SLC15A5: variants seen among roughly 807,000 people sequenced by gnomAD.
The protein encoded by SLC15A5 is solute carrier family 15 member 5, also known as Peptide/histidine transporter ENSP00000340402.
SLC15A5 carries 58 observed loss-of-function variants against 56.1 expected under a neutral mutation model. That is an observed-to-expected ratio of 1.03 (90% CI 0.84 to 1.29). The LOEUF (loss-of-function observed/expected upper bound fraction) is 1.29. SLC15A5 is among the 50% of genes most tolerant of loss of function. SLC15A5 has a pLI of 0.00. For synonymous variants in SLC15A5, 264 were observed against 250.5 expected (o/e 1.05, Z -0.51); for missense variants, 681 against 672.1 (o/e 1.01, Z -0.15).
intron 7 of SLC15A5, among the ~76,000 whole-genome samples, chr12:16,204,235 C>A (rs1166927175): frequency 6.6e-6 from 1 of 151,908 alleles, no homozygotes; most frequent in Non-Finnish European, 1.5e-5. Flanking sequence ...GTGGGCTGAT[C>A]ACTTGAGGTC....
At chr12:16,210,144 T>C (rs61915898) in intron 7 of SLC15A5, among the ~76,000 whole-genome samples, 30,646 of 152,086 alleles carry the variant, frequency 0.2, 3,504 homozygotes, top group Middle Eastern at 0.25. Context: ...ATATGTGCTC[T>C]CTACCAGAAA....
intron 2 of SLC15A5, among the ~76,000 whole-genome samples, chr12:16,259,631 T>C (rs777263393): frequency 5.3e-5 from 8 of 152,238 alleles, no homozygotes; most frequent in African/African-American, 7.2e-5. Flanking sequence ...GTCATGAACT[T>C]AATGCGATCA....
chr12:16,193,831 G>C (rs1401383876), intron 8 of SLC15A5, among the ~76,000 whole-genome samples: 4 of 126,868 alleles, frequency 3.2e-5, no homozygotes, highest in Non-Finnish European at 6.9e-5. Context: ...GAGAGAGAGA[G>C]AGAGAGAGAG....
intron 5 of SLC15A5, among the ~76,000 whole-genome samples, chr12:16,230,257 C>CTAG (rs1047682384): frequency 7.9e-5 from 12 of 152,086 alleles, no homozygotes; most frequent in Admixed American, 7.2e-4. Context: ...CTTAGAGAGG[C>CTAG]TAGTCACTTG....
At chr12:16,253,034 G>T (rs971173061) in intron 3 of SLC15A5, among the ~76,000 whole-genome samples, 18 of 136,260 alleles carry the variant, frequency 1.3e-4, no homozygotes, top group African/African-American at 4.7e-4. Flanking sequence ...GACTACGTAA[G>T]GGGGAAAGGA....
chr12:16,193,780 G>GAA (rs1863861807), intron 8 of SLC15A5, among the ~76,000 whole-genome samples: 1 of 75,692 alleles, frequency 1.3e-5, no homozygotes, highest in Non-Finnish European at 2.6e-5. Flanking sequence ...TATGTCAAGG[G>GAA]GAGAGAGAGA....
intron 5 of SLC15A5, among the ~76,000 whole-genome samples, chr12:16,228,406 A>G (rs1864263764): frequency 6.6e-6 from 1 of 152,210 alleles, no homozygotes; most frequent in Non-Finnish European, 1.5e-5. Flanking sequence ...TTCAAGGAGG[A>G]GGATATACAA....
intron 4 of SLC15A5, 68 bp from the exon 5 acceptor site, chr12:16,239,935 C>G: frequency 7.3e-7 from 1 of 1,376,322 alleles, no homozygotes; most frequent in Non-Finnish European, 9.8e-7. Context: ...CATCGTCCAC[C>G]AGAGGCCTAC....
rs1422148347 is a variant in SLC15A5 at position 16,215,225 on chromosome 12, AAAAAC to A, written c.1483+1663_1483+1667del. Among the ~76,000 whole-genome samples, 42 of 146,500 alleles carry A rather than the reference AAAAAC, an allele frequency of 2.9e-4. 3 individuals are homozygous for A. Among genetic ancestry groups the A allele is most frequent in the African/African-American group, 1.1e-3 (42 of 39,254 alleles). ...CTCAAAAAAAAAAAAAAAAAAAAAAAAAAACCAAAGTGAGGATAGTCTTGGGGAGA... is the reference window on the plus strand; with the variant it reads ...CTCAAAAAAAAAAAAAAAAAAAAAAACAAAGTGAGGATAGTCTTGGGGAGA... On this transcript the variant is annotated intron_variant, in intron 7 of 8. Coordinates refer to ENST00000344941, the MANE Select transcript of SLC15A5 (RefSeq NM_001170798.1).
intron 3 of SLC15A5, among the ~76,000 whole-genome samples, chr12:16,246,927 A>T (rs7306735): frequency 0.45 from 68,454 of 151,932 alleles, 15,649 homozygotes; most frequent in South Asian, 0.64. Context: ...TTAAAAAAAT[A>T]TCTCAACTAT....
At chr12:16,203,803 A>C (rs1248085098) in intron 7 of SLC15A5, among the ~76,000 whole-genome samples, 9 of 152,176 alleles carry the variant, frequency 5.9e-5, no homozygotes, top group Non-Finnish European at 1.2e-4. Flanking sequence ...CTGAAAAAGT[A>C]AAAGGGTCAA....
intron 1 of SLC15A5, among the ~76,000 whole-genome samples, chr12:16,273,461 C>T (rs1309274989): frequency 2.6e-5 from 4 of 151,998 alleles, no homozygotes; most frequent in Non-Finnish European, 5.9e-5. Flanking sequence ...TCTCTTCCAC[C>T]TTGCAGGGAC....
intron 7 of SLC15A5, among the ~76,000 whole-genome samples, chr12:16,200,029 C>A (rs994458515): frequency 1.3e-5 from 2 of 152,092 alleles, no homozygotes; most frequent in South Asian, 4.1e-4. Flanking sequence ...CACATACACT[C>A]TCAGTTAGTA....
intron 3 of SLC15A5, among the ~76,000 whole-genome samples, chr12:16,253,190 T>C (rs768801661): frequency 3.9e-5 from 6 of 152,040 alleles, no homozygotes; most frequent in Non-Finnish European, 8.8e-5. Flanking sequence ...GAAGAAACTA[T>C]AGGGCAACAG....
At position 16,235,852 on chromosome 12, in the gene SLC15A5, A is replaced by C. The variant is rs1864347777; in HGVS notation, c.1162+3829T>G. ...CACTTTGGTTTCAACCACAAAAAGAACTTTATACAACTGCAAGTTATTAGA... is the reference window on the plus strand; with the variant it reads ...CACTTTGGTTTCAACCACAAAAAGACCTTTATACAACTGCAAGTTATTAGA... On this transcript the variant is annotated intron_variant, in intron 5 of 8. Coordinates refer to ENST00000344941, the MANE Select transcript of SLC15A5 (RefSeq NM_001170798.1). This position sits in a 1 kb window ranked among gnomAD's most constrained non-coding sequence, Gnocchi z 4.1. 6.6e-6 allele frequency among the ~76,000 whole-genome samples: 1 copy of C among 152,172 alleles called. No individual in the cohort carries two copies. Among genetic ancestry groups the C allele is most frequent in the Non-Finnish European group, 1.5e-5 (1 of 67,980 alleles).
intron 6 of SLC15A5, 67 bp from the exon 7 acceptor site, chr12:16,217,091 A>C: frequency 7.0e-7 from 1 of 1,435,936 alleles, no homozygotes; most frequent in Non-Finnish European, 9.1e-7. Context: ...AGACTGTTCA[A>C]ATTGATGTTG....
chr12:16,190,625 A>G (rs1863830976), intron 8 of SLC15A5, among the ~76,000 whole-genome samples: 1 of 152,178 alleles, frequency 6.6e-6, no homozygotes, highest in Non-Finnish European at 1.5e-5. Flanking sequence ...CTATAAGTTT[A>G]ATTTTATCAC....
chr12:16,249,217 G>A (rs1327881434), intron 3 of SLC15A5, among the ~76,000 whole-genome samples: 2 of 152,028 alleles, frequency 1.3e-5, no homozygotes, highest in Non-Finnish European at 2.9e-5. Context: ...GTGCTTGACA[G>A]CTAAACATAA....
chr12:16,224,929 C>T (rs1283093441), intron 5 of SLC15A5, among the ~76,000 whole-genome samples: 1 of 145,582 alleles, frequency 6.9e-6, no homozygotes, highest in African/African-American at 2.5e-5. Flanking sequence ...TTCCTGTGTC[C>T]AAGTATTCTC....
Sources: allele counts gnomAD v4.1 joint callset (sites outside exome capture counted in the v4.1 genomes callset), GRCh38; gene constraint gnomAD v4.1.1; non-coding constraint Gnocchi (gnomAD v3.1); transcripts MANE v1.5; gene names NCBI Gene and HGNC (gene_info 2026-07-23, HGNC 2026-07-21).